Variants in MYH14 observed in about 807,000 individuals in gnomAD.
MYH14 encodes myosin-14.
In MYH14, 123 loss-of-function variants were observed where a neutral mutation model predicts 255.5. The observed-to-expected ratio is 0.48, with a 90% CI of 0.42 to 0.56. The LOEUF is 0.56. Ranked by LOEUF, MYH14 falls within the 20% of genes least tolerant of loss-of-function variation. MYH14 has a pLI of 0.00. For synonymous variants in MYH14, 1,095 were observed against 1,161.2 expected, an observed-to-expected ratio of 0.94 and a Z score of 1.16; for missense variants, 2,423 against 2,802.3, an observed-to-expected ratio of 0.86 and a Z score of 3.06.
Position 50,280,531 on chromosome 19 carries a change from C to A in MYH14, c.4290+148C>A, listed in dbSNP as rs994688367. The A allele has an allele frequency of 1.2e-5, 10 of 844,294 alleles. No homozygotes were observed. Among genetic ancestry groups the A allele is most frequent in the Non-Finnish European group, 1.6e-5 (9 of 560,384 alleles). 52.3% of individuals were successfully genotyped at this position (844,294 alleles called of 1,614,324 possible). A position where few individuals can be genotyped will look rare whatever the true frequency, so the allele number is the denominator to read the frequency against. On this transcript the variant is annotated intron_variant, in intron 32 of 42. Transcript: ENST00000642316. This position sits in a 1 kb window ranked among gnomAD's most constrained non-coding sequence, Gnocchi z 4.8. ...TCTCATCTCTGACTCCCCCTTACCC[C>A]CCACAGCCCATGCCCAGCCCTGGCT...
chr19:50,261,237 A>C (rs1342763589), intron 20 of MYH14, among the ~76,000 whole-genome samples: 1 of 7,190 alleles, frequency 1.4e-4, no homozygotes, highest in African/African-American at 8.2e-4. Context: ...CCCCTCCCCT[A>C]TCACTCTTCA....
chr19:50,245,788 G>A (rs1441426909), intron 11 of MYH14, among the ~76,000 whole-genome samples: 1 of 152,194 alleles, frequency 6.6e-6, no homozygotes, highest in African/African-American at 2.4e-5. Context: ...CACCCAGCAG[G>A]TGTGCCGTGC....
rs565435845 is a variant in MYH14, at chr19:50,204,072, C to A, written c.-4+401C>A. ...AGAATCGGAGGCCAGAGAGAGGGGT[C>A]GTGACTGGAAGAGGCGGAGGGGTAG... On this transcript the variant is annotated intron_variant, in intron 1 of 42. Coordinates refer to ENST00000642316, the MANE Select transcript of MYH14 (RefSeq NM_001145809.2). Among the ~76,000 whole-genome samples, 181 of 152,210 alleles carry A rather than the reference C, an allele frequency of 1.2e-3. 1 individual carries two copies. Among genetic ancestry groups the A allele is most frequent in the Middle Eastern group, 6.8e-3 (2 of 294 alleles).
rs78339211 is a variant in MYH14 at position 50,266,167 on chromosome 19, A to G, written c.2695-710A>G. On this transcript the variant is annotated intron_variant, in intron 22 of 42. Transcript: ENST00000642316. The surrounding 1 kb of genome is among the most constrained non-coding windows in gnomAD (Gnocchi z 4.1). ...AGCAAGGGCGACGAGGTTTTGTGAA[A>G]TTTTTGTTTCAGTTCTGTGTGTACC... 0.049 allele frequency among the ~76,000 whole-genome samples: 7,489 copies of G among 152,292 alleles called. 402 individuals carry two copies. Among genetic ancestry groups the G allele is most frequent in the African/African-American group, 0.14 (5,626 of 41,546 alleles).
intron 11 of MYH14, among the ~76,000 whole-genome samples, chr19:50,245,674 T>A (rs1386457970): frequency 6.6e-6 from 1 of 152,222 alleles, no homozygotes; most frequent in Middle Eastern, 3.4e-3. Context: ...ATGGGCTCAT[T>A]TCTGAAAGCT....
intron 39 of MYH14, among the ~76,000 whole-genome samples, chr19:50,295,175 A>C (rs556227729): frequency 5.3e-5 from 8 of 151,942 alleles, no homozygotes; most frequent in African/African-American, 1.9e-4. Context: ...AATACAAAAA[A>C]TTAGCCGGGC....
intron 40 of MYH14, among the ~76,000 whole-genome samples, chr19:50,306,049 C>T (rs1295181286): frequency 1.3e-5 from 2 of 152,146 alleles, no homozygotes; most frequent in African/African-American, 4.8e-5. Context: ...GAGGCCGAGG[C>T]GGGCGGATCA....
At chr19:50,309,597 T>G in intron 42 of MYH14, 43 bp from the exon 43 acceptor site, 1 of 573,972 alleles carries the variant, frequency 1.7e-6, no homozygotes, top group Non-Finnish European at 2.7e-6. Flanking sequence ...TCCCCTCCCC[T>G]CCCCTCATTT....
intron 22 of MYH14, among the ~76,000 whole-genome samples, chr19:50,264,089 A>T (rs2034995276): frequency 3.0e-5 from 2 of 66,754 alleles, no homozygotes; most frequent in African/African-American, 1.1e-4. Context: ...GCAAAGGTTA[A>T]AAAAAAAAAA....
At chr19:50,273,290 CAAAAAAA>C (rs778739770) in intron 27 of MYH14, among the ~76,000 whole-genome samples, 19,364 of 78,270 alleles carry the variant, frequency 0.25, 1,792 homozygotes, top group Non-Finnish European at 0.31. Flanking sequence ...GACTATGTCT[CAAAAAAA>C]AAAAAAAAAA....
intron 29 of MYH14, among the ~76,000 whole-genome samples, chr19:50,277,195 A>G (rs2035541543): frequency 6.6e-6 from 1 of 152,124 alleles, no homozygotes; most frequent in Non-Finnish European, 1.5e-5. Context: ...TTCAGTTTAT[A>G]TTGGGGTGAT....
chr19:50,209,581 GAGACCAACCTGGATAACAC>G (rs2032034223), intron 1 of MYH14, among the ~76,000 whole-genome samples: 1 of 150,662 alleles, frequency 6.6e-6, no homozygotes, highest in African/African-American at 2.4e-5. Flanking sequence ...TCAGGGGATC[GAGACCAACCTGGATAACAC>G]AGTGAAACGC....
At position 50,278,273 on chromosome 19, in the gene MYH14, A is replaced by G. The variant is rs1256350330; in HGVS notation, c.4016A>G (p.Lys1339Arg). 6.4e-7 allele frequency: 1 copy of G among 1,555,654 alleles called. No homozygotes were observed. The highest frequency in any genetic ancestry group is 1.2e-5 in the South Asian group (1 of 84,620). Residue 1339 changes from lysine (K) to arginine (R), a missense_variant, in exon 30 of 43, where the codon AAG becomes AGG. Physicochemically the swap from Lys to Arg is conservative, Grantham distance 26. This residue lies in a region of MYH14 where 1,513 missense variants were observed against 1,674.8 expected (regional missense o/e 0.90). Transcript: ENST00000642316. ...AGGGCACGAGCGGAGGCTGCTGAGAAGCTGCAGCGAGCCCAGGTAAGTGGG... is the reference window on the plus strand; with the variant it reads ...AGGGCACGAGCGGAGGCTGCTGAGAGGCTGCAGCGAGCCCAGGTAAGTGGG... ...GERARAEAAE[K>R]LQRAQAELEN...
chr19:50,242,062 A>G (rs915724558), intron 10 of MYH14, among the ~76,000 whole-genome samples: 1 of 152,288 alleles, frequency 6.6e-6, no homozygotes, highest in East Asian at 1.9e-4. Context: ...TCATGGACGC[A>G]AATGTCCAGG....
chr19:50,293,173 T>G lies in MYH14; in HGVS notation c.5257-60T>G. Reference sequence around the variant, plus strand: ...GAGGTGTGAGGGACAGAGAAAGGGGTGAGACCCGTGCCCAGATTGCTTCTC... The same window carrying G: ...GAGGTGTGAGGGACAGAGAAAGGGGGGAGACCCGTGCCCAGATTGCTTCTC... On this transcript the variant is annotated intron_variant, in intron 37 of 42. Coordinates refer to ENST00000642316, the MANE Select transcript of MYH14 (RefSeq NM_001145809.2). The surrounding 1 kb of genome is among the most constrained non-coding windows in gnomAD (Gnocchi z 4.1). The G allele has an allele frequency of 9.0e-6, 11 of 1,227,002 alleles. No homozygotes were observed. The highest frequency in any genetic ancestry group is 1.5e-5 in the African/African-American group (1 of 66,512). The allele number at this position is 1,227,002 out of a possible 1,614,324, so 76.0% of individuals were successfully genotyped here.
chr19:50,254,227 A>T lies in MYH14; in HGVS notation c.1946-993A>T, dbSNP rs543499352. Among the ~76,000 whole-genome samples the T allele has an allele frequency of 1.3e-3, 205 of 152,178 alleles. 2 individuals are homozygous for T. Among genetic ancestry groups the T allele is most frequent in the South Asian group, 0.013 (64 of 4,820 alleles). ...AGTGAAACTCTGTCTCAAAAAAAAA[A>T]AAAAAGGAAAAAAAAAGAAAACAAA... On this transcript the variant is annotated intron_variant, in intron 16 of 42. Transcript: ENST00000642316.
At position 50,250,491 on chromosome 19, in the gene MYH14, T is replaced by C. The variant is rs1173821065; in HGVS notation, c.1657-24T>C. The C allele has an allele frequency of 2.5e-6, 4 of 1,606,256 alleles. No individual in the cohort carries two copies. The African/African-American group carries it at 5.4e-5, about 22-fold the overall frequency. ...TCCAATATGTGGGGATCTGACTTAC[T>C]CTCCCCCTGCTGTCAATGGCCAGGC... On this transcript the variant is annotated intron_variant, in intron 14 of 42. Transcript: ENST00000642316. This position sits in a 1 kb window ranked among gnomAD's most constrained non-coding sequence, Gnocchi z 5.4.
At position 50,278,285 on chromosome 19, in the gene MYH14, C is replaced by G. The variant is rs374058410; in HGVS notation, c.4028C>G (p.Ala1343Gly). The G allele has an allele frequency of 6.5e-7, 1 of 1,545,212 alleles. No homozygotes were observed. The highest frequency in any genetic ancestry group is 8.7e-7 in the Non-Finnish European group (1 of 1,143,048). The change falls in exon 30 of 43, where the codon GCC becomes GGC. Residue 1343 changes from alanine (A) to glycine (G), a missense_variant. Coordinates refer to ENST00000642316, the MANE Select transcript of MYH14 (RefSeq NM_001145809.2). ...GAGGCTGCTGAGAAGCTGCAGCGAG[C>G]CCAGGTAAGTGGGGTGGGCAGGGCA... ...RAEAAEKLQRAQAELENVSGA... is the reference protein window; with the variant it reads ...RAEAAEKLQRGQAELENVSGA...
intron 22 of MYH14, among the ~76,000 whole-genome samples, chr19:50,265,554 C>T (rs984231819): frequency 2.6e-5 from 4 of 151,964 alleles, no homozygotes; most frequent in African/African-American, 4.8e-5. Flanking sequence ...GGCACGGAGG[C>T]GTATGCCTGT....
Sources: gnomAD v4.1 joint callset for allele counts (sites outside exome capture counted in the v4.1 genomes callset) on GRCh38, gnomAD v4.1.1 for gene constraint, gnomAD v4.1.1 regional missense constraint, Gnocchi (gnomAD v3.1) non-coding constraint, MANE v1.5 for transcripts, NCBI Gene and HGNC (gene_info 2026-07-23, HGNC 2026-07-21) for gene names.